The following BNC2 variants were observed in gnomAD, a reference collection of about 807,000 sequenced individuals.
The protein encoded by BNC2 is zinc finger protein basonuclin-2.
A neutral mutation model predicts 76.3 loss-of-function variants in BNC2; 20 were observed. The observed-to-expected ratio is 0.26, with a 90% confidence interval of 0.18 to 0.38. The LOEUF (loss-of-function observed/expected upper bound fraction) is 0.38, where lower values mean the gene tolerates loss of function less well. Ranked by LOEUF, BNC2 falls within the 10% of genes least tolerant of loss-of-function variation. The probability of loss-of-function intolerance (pLI) is 1.00; values close to 1 mark genes in which losing one functional copy is unlikely to be tolerated. For missense variants in BNC2, 1,382 were observed against 1,399.8 expected, an observed-to-expected ratio of 0.99 and a Z score of 0.20; for synonymous variants, 582 against 514.8, an observed-to-expected ratio of 1.13 and a Z score of -1.77.
intron 3 of BNC2, among the ~76,000 whole-genome samples, chr9:16,712,561 C>G (rs1024138947): frequency 6.6e-6 from 1 of 152,104 alleles, no homozygotes; most frequent in African/African-American, 2.4e-5. Flanking sequence ...AACTGAAACA[C>G]TAAAAGATGA....
chr9:16,500,080 A>G (rs1822486709), intron 5 of BNC2, among the ~76,000 whole-genome samples: 1 of 151,630 alleles, frequency 6.6e-6, no homozygotes, highest in African/African-American at 2.4e-5. Context: ...CTCCTCCTCA[A>G]TTCCTGCAGC....
At chr9:16,577,706 G>A (rs557835391) in intron 4 of BNC2, among the ~76,000 whole-genome samples, 25 of 152,154 alleles carry the variant, frequency 1.6e-4, no homozygotes, top group Non-Finnish European at 3.1e-4. Flanking sequence ...TGAAATGCAT[G>A]CAGTAAAAGG....
chr9:16,599,731 C>T (rs770601204), intron 3 of BNC2, among the ~76,000 whole-genome samples: 1 of 152,126 alleles, frequency 6.6e-6, no homozygotes, highest in Non-Finnish European at 1.5e-5. Context: ...TGCAGTGAAC[C>T]GAGATCACGC....
intron 1 of BNC2, among the ~76,000 whole-genome samples, chr9:16,829,481 G>A (rs1033209502): frequency 6.6e-6 from 1 of 152,112 alleles, no homozygotes; most frequent in African/African-American, 2.4e-5. Context: ...TTGGACAAGT[G>A]GGTTGGTTCC....
chr9:16,632,135 T>C (rs1458034896), intron 3 of BNC2, among the ~76,000 whole-genome samples: 1 of 152,214 alleles, frequency 6.6e-6, no homozygotes, highest in African/African-American at 2.4e-5. Flanking sequence ...TCAGTCTCCT[T>C]ACTCCAGAAG....
intron 1 of BNC2, chr9:16,867,533 C>G (rs930099642): frequency 1.8e-4 from 28 of 152,104 alleles, no homozygotes. Context: ...TCACTAAGGC[C>G]ATCTTTCAAA....
chr9:16,454,182 T>C (rs1243433264), intron 5 of BNC2, among the ~76,000 whole-genome samples: 2 of 152,242 alleles, frequency 1.3e-5, no homozygotes, highest in Non-Finnish European at 2.9e-5. Flanking sequence ...ATGTGCCACA[T>C]GTAATCTCAG....
chr9:16,747,105 T>A (rs776749277), intron 1 of BNC2, among the ~76,000 whole-genome samples: 1 of 152,004 alleles, frequency 6.6e-6, no homozygotes, highest in Non-Finnish European at 1.5e-5. Flanking sequence ...ACTACGAAAG[T>A]ACAGATTATT....
At chr9:16,558,668 T>G (rs968546871) in intron 4 of BNC2, among the ~76,000 whole-genome samples, 18 of 152,174 alleles carry the variant, frequency 1.2e-4, no homozygotes, top group African/African-American at 4.3e-4. Flanking sequence ...CGGTGGCTCA[T>G]GCCTGTCATC....
chr9:16,670,236 G>A (rs1158661329), intron 3 of BNC2, among the ~76,000 whole-genome samples: 1 of 152,032 alleles, frequency 6.6e-6, no homozygotes, highest in Non-Finnish European at 1.5e-5. Context: ...GTCTACTTTT[G>A]AACATCTGAA....
At chr9:16,558,114 T>G (rs938539511) in intron 4 of BNC2, among the ~76,000 whole-genome samples, 1 of 152,058 alleles carries the variant, frequency 6.6e-6, no homozygotes, top group Non-Finnish European at 1.5e-5. Context: ...TCCCAAAGTG[T>G]TGGGATTACA....
intron 3 of BNC2, among the ~76,000 whole-genome samples, chr9:16,607,284 G>A (rs1820413250): frequency 6.6e-6 from 1 of 152,036 alleles, no homozygotes; most frequent in African/African-American, 2.4e-5. Context: ...TAAAAGTAAT[G>A]CAAAACCTCA....
At position 16,412,661 on chromosome 9, in the gene BNC2, G is replaced by C. The variant is rs981480076; in HGVS notation, c.*6328C>G. The C allele has an allele frequency of 6.6e-6, 1 of 151,054 alleles. No homozygotes were observed. The highest frequency in any genetic ancestry group is 1.5e-5 in the Non-Finnish European group (1 of 67,574). 9.4% of individuals were successfully genotyped at this position (151,054 alleles called of 1,614,324 possible). A position where few individuals can be genotyped will look rare whatever the true frequency, so the allele number is the denominator to read the frequency against. ...CCTTGGGCTTCCCACAGATACAGTAGGTGTGTGTATGTGCTTGTATGTTAG... is the reference window on the plus strand; with the variant it reads ...CCTTGGGCTTCCCACAGATACAGTACGTGTGTGTATGTGCTTGTATGTTAG... On this transcript the variant is annotated 3_prime_UTR_variant, in exon 7 of 7. Transcript: ENST00000380672.
intron 3 of BNC2, among the ~76,000 whole-genome samples, chr9:16,682,966 T>C (rs1477754081): frequency 6.6e-6 from 1 of 152,240 alleles, no homozygotes; most frequent in African/African-American, 2.4e-5. Context: ...TGGGATTCTT[T>C]GCTGCTGTTC....
chr9:16,779,114 T>TAAAAAAAAAAAAAAAA (rs143267899), intron 1 of BNC2, among the ~76,000 whole-genome samples: 1 of 85,558 alleles, frequency 1.2e-5, no homozygotes, highest in Non-Finnish European at 2.2e-5. Context: ...ACAAAAATTG[T>TAAAAAAAAAAAAAAAA]AAAAAAAAAA....
At chr9:16,541,015 G>A (rs760590110) in intron 5 of BNC2, among the ~76,000 whole-genome samples, 2 of 152,170 alleles carry the variant, frequency 1.3e-5, no homozygotes, top group Non-Finnish European at 2.9e-5. Flanking sequence ...ACTCCCAGAA[G>A]ACAGGGCCAT....
At chr9:16,646,554 T>C (rs1401251746) in intron 3 of BNC2, among the ~76,000 whole-genome samples, 2 of 152,148 alleles carry the variant, frequency 1.3e-5, no homozygotes, top group Non-Finnish European at 2.9e-5. Flanking sequence ...AATGAATCTA[T>C]TGTGACAAAT....
intron 4 of BNC2, among the ~76,000 whole-genome samples, chr9:16,578,367 A>G (rs1029893575): frequency 3.3e-5 from 5 of 152,212 alleles, no homozygotes; most frequent in African/African-American, 1.2e-4. Context: ...ACTTGCAAAT[A>G]TTAAACAATA....
chr9:16,658,807 G>C (rs982852712), intron 3 of BNC2, among the ~76,000 whole-genome samples: 21 of 152,192 alleles, frequency 1.4e-4, no homozygotes, highest in Non-Finnish European at 1.5e-4. Context: ...AGATGTTGAA[G>C]GCACTCTTTC....
Sources: gnomAD v4.1 joint callset for allele counts (sites outside exome capture counted in the v4.1 genomes callset) on GRCh38, gnomAD v4.1.1 for gene constraint, MANE v1.5 for transcripts, NCBI Gene and HGNC (gene_info 2026-07-23, HGNC 2026-07-21) for gene names.